GLB1: variants seen among roughly 807,000 people sequenced by gnomAD.
GLB1 encodes beta-galactosidase.
GLB1 carries 56 observed loss-of-function variants against 74.0 expected under a neutral mutation model. The observed-to-expected ratio is 0.76, with a 90% CI of 0.61 to 0.94. The LOEUF (loss-of-function observed/expected upper bound fraction) is 0.94. GLB1 is among the 40% of genes least tolerant of loss of function. The pLI, the probability that GLB1 is intolerant of heterozygous loss-of-function variation, is 0.00. For synonymous variants in GLB1, 323 were observed against 323.6 expected, an observed-to-expected ratio of 1.00 and a Z score of 0.02; for missense variants, 787 against 845.5, an observed-to-expected ratio of 0.93 and a Z score of 0.86.
chr3:33,014,075 T>C lies in GLB1; in HGVS notation c.1715A>G (p.Gln572Arg), dbSNP rs183126947. 2.9e-4 allele frequency: 469 copies of C among 1,614,168 alleles called. 2 individuals are homozygous for C. The East Asian group carries it at 0.01, about 35-fold the overall frequency. ...IPDLPQDTFIQFPGWTKGQVW... is the reference protein window; with the variant it reads ...IPDLPQDTFIRFPGWTKGQVW... ...ACGTACCTTGGTCCATCCAGGAAACTGGATAAAGGTGTCCTGGGGCAAGTC... is the reference window on the plus strand; with the variant it reads ...ACGTACCTTGGTCCATCCAGGAAACCGGATAAAGGTGTCCTGGGGCAAGTC... Residue 572 changes from glutamine to arginine, a missense_variant, in exon 15 of 16, where the codon CAG becomes CGG. Gln to Arg is a conservative substitution (Grantham distance 43). Transcript: ENST00000307363.
chr3:33,025,900 C>T (rs1278672089), intron 10 of GLB1, among the ~76,000 whole-genome samples: 1 of 152,166 alleles, frequency 6.6e-6, no homozygotes, highest in Non-Finnish European at 1.5e-5. Context: ...CCTGGCCCCG[C>T]GTCACTGCTC....
Position 33,014,236 on chromosome 3 carries a change from A to T in GLB1, c.1554T>A (p.Asp518Glu). Residue 518 changes from aspartate (D) to glutamate (E), a missense_variant, in exon 15 of 16, where the codon GAT becomes GAA. Coordinates refer to ENST00000307363, the MANE Select transcript of GLB1 (RefSeq NM_000404.4). The stretch of plus-strand genomic sequence containing the variant: ...AGCCCCCCAGGTGGCTGCACACTGC[A>T]TCCTCAGTGTCCAGTGGAAAGATCG... ...DWTIFPLDTE[D>E]AVCSHLGGWG... 1.2e-6 allele frequency: 2 copies of T among 1,614,190 alleles called. No individual in the cohort carries two copies. The highest frequency in any genetic ancestry group is 1.7e-6 in the Non-Finnish European group (2 of 1,180,032).
chr3:33,025,225 G>A (rs980933762), intron 10 of GLB1, among the ~76,000 whole-genome samples: 1 of 152,230 alleles, frequency 6.6e-6, no homozygotes, highest in Non-Finnish European at 1.5e-5. Context: ...GATTACAGGC[G>A]TGAGCCAGCG....
At chr3:33,081,198 T>G (rs1443586763) in intron 1 of GLB1, among the ~76,000 whole-genome samples, 1 of 152,062 alleles carries the variant, frequency 6.6e-6, no homozygotes, top group East Asian at 1.9e-4. Flanking sequence ...GAGGCTTCTG[T>G]GGCAATGTTT....
chr3:33,076,709 T>C (rs2064391402), intron 1 of GLB1, among the ~76,000 whole-genome samples: 1 of 152,178 alleles, frequency 6.6e-6, no homozygotes, highest in Non-Finnish European at 1.5e-5. Context: ...TTAAAAAATA[T>C]GACTACGTGT....
intron 9 of GLB1, among the ~76,000 whole-genome samples, chr3:33,047,707 C>T (rs1261904607): frequency 6.6e-6 from 1 of 152,202 alleles, no homozygotes; most frequent in Non-Finnish European, 1.5e-5. Context: ...GGGTGACCTA[C>T]TGGTTGTGGA....
In GLB1 at chr3:33,014,210, C is replaced by T. The variant is rs769781778; in HGVS notation, c.1580G>A (p.Trp527Ter). ...EDAVCSHLGG[W>*]GHRDSGHHDE... ...ATGGTGGCCACTGTCACGGTGTCCC[C>T]AGCCCCCCAGGTGGCTGCACACTGC... Residue 527 changes from tryptophan to a stop codon, truncating the protein, a stop_gained, in exon 15 of 16, where the codon TGG becomes TAG. Transcript: ENST00000307363. LOFTEE classifies it high-confidence loss of function. 4.3e-6 allele frequency: 7 copies of T among 1,614,172 alleles called. No individual in the cohort carries two copies. In the Admixed American group the frequency reaches 5.0e-5, roughly 12 times the overall value.
chr3:33,063,146 A>C (rs946129034), intron 5 of GLB1, among the ~76,000 whole-genome samples: 1 of 152,208 alleles, frequency 6.6e-6, no homozygotes, highest in African/African-American at 2.4e-5. Flanking sequence ...AAGATGATGA[A>C]AGAATTTTGA....
intron 5 of GLB1, chr3:33,061,735 A>G (rs1013716083): frequency 2.0e-5 from 3 of 152,226 alleles, no homozygotes; most frequent in African/African-American, 7.2e-5. Flanking sequence ...GATGAAGTTA[A>G]GTTGTGGGTG....
chr3:33,060,191 C>G (rs1453309223), intron 5 of GLB1, among the ~76,000 whole-genome samples: 1 of 152,206 alleles, frequency 6.6e-6, no homozygotes, highest in Non-Finnish European at 1.5e-5. Flanking sequence ...AATGATCCTT[C>G]TCTCAGAGAG....
intron 12 of GLB1, 188 bp downstream of exon 12, chr3:33,021,378 G>A (rs1697472260): frequency 1.5e-6 from 1 of 667,720 alleles, no homozygotes; most frequent in Non-Finnish European, 2.6e-6. Flanking sequence ...AAAAATATAG[G>A]CATGATCAGC....
chr3:33,096,115 T>TA (rs1437329163), intron 1 of GLB1, among the ~76,000 whole-genome samples: 1 of 152,198 alleles, frequency 6.6e-6, no homozygotes, highest in Non-Finnish European at 1.5e-5. Context: ...AGCTCTTACT[T>TA]AAAGCATACT....
chr3:32,995,375 G>A (rs1696290233), downstream of GLB1, among the ~76,000 whole-genome samples: 1 of 152,098 alleles, frequency 6.6e-6, no homozygotes, highest in Non-Finnish European at 1.5e-5. Flanking sequence ...TTTGGTAACT[G>A]TGCAGTGGAG....
intron 10 of GLB1, among the ~76,000 whole-genome samples, chr3:33,026,815 T>C (rs1258539398): frequency 2.0e-5 from 3 of 152,118 alleles, no homozygotes; most frequent in Admixed American, 6.5e-5. Flanking sequence ...TGCTGAGAGC[T>C]GAACACTCGC....
chr3:32,969,791 G>C, the GLB1 span, among the ~76,000 whole-genome samples: 1 of 152,188 alleles, frequency 6.6e-6, no homozygotes, highest in Non-Finnish European at 1.5e-5. Context: ...CATCATTAAG[G>C]CATCATTTCC....
chr3:33,008,069 G>A (rs1283491472), intron 15 of GLB1, among the ~76,000 whole-genome samples: 2 of 152,184 alleles, frequency 1.3e-5, no homozygotes, highest in Admixed American at 1.3e-4. Flanking sequence ...TGAGCAGAAC[G>A]CCTGGGTCAG....
At chr3:32,981,501 C>T in the GLB1 span, among the ~76,000 whole-genome samples, 3 of 151,572 alleles carry the variant, frequency 2.0e-5, no homozygotes, top group African/African-American at 4.8e-5. Flanking sequence ...TGACCGGGCA[C>T]GGTGGCTCAC....
chr3:33,044,462 TA>T, intron 10 of GLB1, among the ~76,000 whole-genome samples: 2 of 152,110 alleles, frequency 1.3e-5, no homozygotes, highest in South Asian at 4.1e-4. Flanking sequence ...AAGGCTGCAT[TA>T]AAAAGCTAAG....
At chr3:32,988,469 G>A in the GLB1 span, among the ~76,000 whole-genome samples, 7 of 152,298 alleles carry the variant, frequency 4.6e-5, no homozygotes, top group East Asian at 1.9e-4. Flanking sequence ...GGGCACTGAC[G>A]TTTTATATCA....
Sources: allele counts gnomAD v4.1 joint callset (sites outside exome capture counted in the v4.1 genomes callset), GRCh38; gene constraint gnomAD v4.1.1; transcripts MANE v1.5; gene names NCBI Gene and HGNC (gene_info 2026-07-23, HGNC 2026-07-21).